The following COL22A1 variants were observed in gnomAD, a reference collection of about 807,000 sequenced individuals.
COL22A1 encodes collagen alpha-1(XXII) chain.
A neutral mutation model predicts 248.9 loss-of-function variants in COL22A1; 221 were observed. The ratio of observed to expected loss-of-function variants is 0.89; its 90% CI spans 0.80 to 0.99. The LOEUF is 0.99. Among genes scored for constraint, COL22A1 ranks in the 50% least tolerant of loss-of-function variants. The pLI is 0.00. For synonymous variants in COL22A1, 891 were observed against 793.4 expected, an observed-to-expected ratio of 1.12 and a Z score of -2.07; for missense variants, 2,240 against 2,179.0, an observed-to-expected ratio of 1.03 and a Z score of -0.56.
intron 3 of COL22A1, among the ~76,000 whole-genome samples, chr8:138,867,982 C>G (rs976303069): frequency 6.6e-6 from 1 of 152,150 alleles, no homozygotes; most frequent in South Asian, 2.1e-4. Context: ...TCAGGATGGT[C>G]TTGATCTCCT....
intron 15 of COL22A1, among the ~76,000 whole-genome samples, chr8:138,776,340 C>G (rs977871701): frequency 5.9e-5 from 9 of 152,168 alleles, no homozygotes; most frequent in Admixed American, 5.9e-4. Flanking sequence ...AATGTGGCTT[C>G]AAAGTCAGTT....
At chr8:138,675,726 T>C (rs1587835043) in intron 41 of COL22A1, among the ~76,000 whole-genome samples, 1 of 152,212 alleles carries the variant, frequency 6.6e-6, no homozygotes, top group African/African-American at 2.4e-5. Flanking sequence ...ACTGGTCTTA[T>C]GTCCCAAAAA....
At chr8:138,901,946 C>T (rs369341894) in intron 1 of COL22A1, among the ~76,000 whole-genome samples, 44 of 152,114 alleles carry the variant, frequency 2.9e-4, no homozygotes, top group Admixed American at 8.5e-4. Context: ...ACATGGTAAG[C>T]GAGCTCCCCA....
intron 39 of COL22A1, among the ~76,000 whole-genome samples, chr8:138,680,179 T>C (rs1825852179): frequency 6.6e-6 from 1 of 152,152 alleles, no homozygotes; most frequent in Admixed American, 6.5e-5. Context: ...GCACATGAGC[T>C]AGAATCGGTA....
chr8:138,600,830 A>T (rs974387952), intron 60 of COL22A1, among the ~76,000 whole-genome samples: 3 of 152,212 alleles, frequency 2.0e-5, no homozygotes, highest in African/African-American at 7.2e-5. Context: ...TCTTGAATTC[A>T]GGGGTCTAGT....
chr8:138,701,143 C>T (rs1457811535), intron 31 of COL22A1, among the ~76,000 whole-genome samples: 2 of 152,154 alleles, frequency 1.3e-5, no homozygotes, highest in Admixed American at 6.5e-5. Flanking sequence ...TTTTAAATGT[C>T]GTGTCTTCAC....
In COL22A1 at chr8:138,737,577, C is replaced by G. The variant is rs773598226; in HGVS notation, c.2086G>C (p.Gly696Arg). Reference protein sequence around the residue: ...DGPPGLQGLRGKKGDMGPPGI... With the variant: ...DGPPGLQGLRRKKGDMGPPGI... ...GGTGGTCCCATGTCACCTTTCTTCC[C>G]CTGAGTGTAAAAGAAGAAGCTAAAA... is the stretch of plus-strand genomic sequence containing the variant. Residue 696 changes from glycine to arginine, a missense_variant and splice_region_variant, in exon 23 of 65, where the codon GGG becomes CGG. By Grantham distance (125) the Gly-to-Arg change is moderately radical. Transcript: ENST00000303045. 2.5e-6 allele frequency: 4 copies of G among 1,607,900 alleles called. No homozygotes were observed. The highest frequency in any genetic ancestry group is 2.2e-5 in the East Asian group (1 of 44,780).
chr8:138,891,930 G>C (rs558942865), intron 1 of COL22A1, among the ~76,000 whole-genome samples: 2 of 152,220 alleles, frequency 1.3e-5, no homozygotes, highest in Non-Finnish European at 2.9e-5. Flanking sequence ...CTGTTGATGT[G>C]ATGAATAACA....
At chr8:138,683,894 A>G (rs1433169634) in intron 39 of COL22A1, among the ~76,000 whole-genome samples, 2 of 152,172 alleles carry the variant, frequency 1.3e-5, no homozygotes, top group Admixed American at 6.5e-5. Context: ...CCACCACTTC[A>G]TTTAATGGTA....
At chr8:138,679,559 C>G in intron 40 of COL22A1, 58 bp downstream of exon 40, 2 of 1,442,336 alleles carry the variant, frequency 1.4e-6, no homozygotes, top group Non-Finnish European at 2.0e-6. Flanking sequence ...TATAAAGCTG[C>G]CTCTGCCTGT....
At chr8:138,777,630 G>C (rs867426733) in intron 15 of COL22A1, among the ~76,000 whole-genome samples, 4 of 152,054 alleles carry the variant, frequency 2.6e-5, no homozygotes, top group African/African-American at 9.7e-5. Flanking sequence ...TTGGTTTTCT[G>C]TTCCTGTGTT....
chr8:138,704,475 C>T (rs1191905091), intron 30 of COL22A1, among the ~76,000 whole-genome samples: 1 of 152,210 alleles, frequency 6.6e-6, no homozygotes, highest in Non-Finnish European at 1.5e-5. Context: ...GCAATATTTG[C>T]TGTTCTGCAG....
intron 46 of COL22A1, among the ~76,000 whole-genome samples, chr8:138,649,337 T>G (rs565870676): frequency 4.0e-4 from 61 of 152,174 alleles, no homozygotes; most frequent in Non-Finnish European, 8.4e-4. Flanking sequence ...TATTACATAG[T>G]AGATAGGCAA....
intron 30 of COL22A1, among the ~76,000 whole-genome samples, chr8:138,704,065 C>T (rs201922211): frequency 1.3e-5 from 2 of 152,198 alleles, no homozygotes; most frequent in Non-Finnish European, 2.9e-5. Context: ...AAGGTGGCAG[C>T]GAGGCTGGGG....
At chr8:138,829,300 G>A (rs1264505853) in intron 5 of COL22A1, among the ~76,000 whole-genome samples, 3 of 152,000 alleles carry the variant, frequency 2.0e-5, no homozygotes, top group Admixed American at 2.0e-4. Flanking sequence ...AGGAAGATGG[G>A]GCCTCCCCAC....
intron 46 of COL22A1, among the ~76,000 whole-genome samples, chr8:138,648,572 A>G (rs1822404522): frequency 6.6e-6 from 1 of 151,738 alleles, no homozygotes; most frequent in Admixed American, 6.6e-5. Flanking sequence ...TCCTTTTAAA[A>G]GGCAAAGAAG....
intron 52 of COL22A1, among the ~76,000 whole-genome samples, chr8:138,623,260 T>TATATATA (rs1564109173): frequency 3.8e-5 from 2 of 52,450 alleles, no homozygotes; most frequent in African/African-American, 1.4e-4. Flanking sequence ...ATATATATAT[T>TATATATA]TATGTGTGTG....
At chr8:138,723,060 T>G (rs1304505536) in intron 25 of COL22A1, among the ~76,000 whole-genome samples, 1 of 138,226 alleles carries the variant, frequency 7.2e-6, no homozygotes, top group African/African-American at 2.5e-5. Flanking sequence ...AACTTAAAAG[T>G]TGAAGGAAAA....
chr8:138,640,967 T>A (rs1052746260), intron 47 of COL22A1, among the ~76,000 whole-genome samples: 2 of 152,220 alleles, frequency 1.3e-5, no homozygotes, highest in Non-Finnish European at 2.9e-5. Context: ...GTTGGCTTCC[T>A]GCCTCCATCA....
Sources: allele counts gnomAD v4.1 joint callset (sites outside exome capture counted in the v4.1 genomes callset), GRCh38; gene constraint gnomAD v4.1.1; transcripts MANE v1.5; gene names NCBI Gene and HGNC (gene_info 2026-07-23, HGNC 2026-07-21).